GRAP2: variants seen among roughly 807,000 people sequenced by gnomAD.
The protein encoded by GRAP2 is GRB2 related adaptor protein 2, also known as GRB2-related adapter protein 2.
Under a neutral mutation model 43.5 loss-of-function variants are expected in GRAP2, and 31 were observed. The ratio of observed to expected loss-of-function variants is 0.71; its 90% CI spans 0.54 to 0.96. GRAP2 has a LOEUF of 0.96. GRAP2 is among the 40% of genes least tolerant of loss of function. The probability of loss-of-function intolerance (pLI) is 0.00; values close to 1 mark genes in which losing one functional copy is unlikely to be tolerated. For synonymous variants in GRAP2, 156 were observed against 164.8 expected, an observed-to-expected ratio of 0.95 and a Z score of 0.41; for missense variants, 371 against 424.4, an observed-to-expected ratio of 0.87 and a Z score of 1.11.
chr22:39,895,876 C>T, the GRAP2 span, among the ~76,000 whole-genome samples: 1 of 152,086 alleles, frequency 6.6e-6, no homozygotes, highest in East Asian at 1.9e-4. Context: ...GGAAGGCTTC[C>T]TGGAGGAGGT....
chr22:39,908,013 G>A (rs1317397163), intron 1 of GRAP2, among the ~76,000 whole-genome samples: 1 of 152,206 alleles, frequency 6.6e-6, no homozygotes, highest in African/African-American at 2.4e-5. Context: ...CTTCTGGAAA[G>A]CTGAATTCTG....
At chr22:39,897,443 A>G (rs1414650538), upstream of GRAP2, among the ~76,000 whole-genome samples, 1 of 150,990 alleles carries the variant, frequency 6.6e-6, no homozygotes, top group Non-Finnish European at 1.5e-5. Flanking sequence ...TCAAAATCCA[A>G]CCACTTCCCA....
intron 1 of GRAP2, among the ~76,000 whole-genome samples, chr22:39,907,478 A>G (rs992154707): frequency 6.6e-6 from 1 of 152,210 alleles, no homozygotes; most frequent in African/African-American, 2.4e-5. Context: ...GAGTTGTCGT[A>G]CAGGCTCATT....
At chr22:39,952,667 C>G (rs1016324888) in intron 2 of GRAP2, among the ~76,000 whole-genome samples, 3 of 152,192 alleles carry the variant, frequency 2.0e-5, no homozygotes, top group Admixed American at 2.0e-4. Flanking sequence ...CAATCTCAAA[C>G]TCAAATATGG....
intron 2 of GRAP2, 30 bp downstream of exon 2, chr22:39,947,214 T>C (rs1292458616): frequency 9.8e-7 from 1 of 1,022,056 alleles, no homozygotes; most frequent in South Asian, 1.3e-5. Flanking sequence ...AGGGGAGCAG[T>C]AGGGAGTTTC....
intron 7 of GRAP2, among the ~76,000 whole-genome samples, chr22:39,970,122 T>G (rs1293117014): frequency 6.6e-6 from 1 of 152,138 alleles, no homozygotes; most frequent in African/African-American, 2.4e-5. Flanking sequence ...TTGCATCTTT[T>G]TTTTGTTTTT....
At chr22:39,945,277 G>A (rs1347174875) in intron 1 of GRAP2, among the ~76,000 whole-genome samples, 1 of 152,190 alleles carries the variant, frequency 6.6e-6, no homozygotes, top group Non-Finnish European at 1.5e-5. Flanking sequence ...TTGGCTCCTG[G>A]TCTATTTTTT....
chr22:39,952,882 C>A (rs1045289214), intron 2 of GRAP2, among the ~76,000 whole-genome samples: 5 of 152,174 alleles, frequency 3.3e-5, no homozygotes, highest in African/African-American at 1.2e-4. Context: ...TTGATCCTCA[C>A]ATCAGCTCTG....
At chr22:39,968,456 T>A (rs2067199523) in intron 6 of GRAP2, 184 bp downstream of exon 6, 4 of 518,642 alleles carry the variant, frequency 7.7e-6, no homozygotes, top group Non-Finnish European at 3.3e-6. Flanking sequence ...GGCTCCCACC[T>A]GAACACACAC....
chr22:39,966,640 T>A (rs993126166), intron 5 of GRAP2, among the ~76,000 whole-genome samples: 1 of 152,096 alleles, frequency 6.6e-6, no homozygotes, highest in Non-Finnish European at 1.5e-5. Flanking sequence ...ATGTGGAGTT[T>A]TATGATGGGA....
intron 1 of GRAP2, 117 bp downstream of exon 1, chr22:39,901,447 C>T: frequency 2.5e-6 from 1 of 401,156 alleles, no homozygotes; most frequent in South Asian, 1.9e-5. Flanking sequence ...CTAAATATTG[C>T]TTTTAAGTCC....
chr22:39,926,620 C>T lies in GRAP2; in HGVS notation c.-14-20473C>T, dbSNP rs144186559. 8.1e-5 allele frequency: 80 copies of T among 985,258 alleles called. No individual in the cohort carries two copies. In the African/African-American group the frequency reaches 1.2e-3, roughly 14 times the overall value. The allele number at this position is 985,258 out of a possible 1,614,324, so 61.0% of individuals were successfully genotyped here. A position where few individuals can be genotyped will look rare whatever the true frequency, so the allele number is the denominator to read the frequency against. ...GTCATAAAAGCATTCTATGCTGGAC[C>T]GGTTCGTGTTAAGTCTGAGTTCCTC... On this transcript the variant is annotated intron_variant, in intron 1 of 7. Transcript: ENST00000344138.
At chr22:39,900,798 C>T (rs1325723455), upstream of GRAP2, among the ~76,000 whole-genome samples, 1 of 152,130 alleles carries the variant, frequency 6.6e-6, no homozygotes, top group Non-Finnish European at 1.5e-5. Flanking sequence ...CCAAGAAGCC[C>T]TAATGTTCCT....
chr22:39,949,462 C>T (rs913286737), intron 2 of GRAP2, among the ~76,000 whole-genome samples: 4 of 152,222 alleles, frequency 2.6e-5, no homozygotes, highest in Admixed American at 1.3e-4. Flanking sequence ...TGTGACCAAT[C>T]CAGGACCTGG....
intron 4 of GRAP2, among the ~76,000 whole-genome samples, chr22:39,963,036 C>T (rs1202548078): frequency 1.3e-5 from 2 of 152,216 alleles, no homozygotes; most frequent in Admixed American, 1.3e-4. Context: ...TGACTTCTAC[C>T]GAAGTCTTCC....
chr22:39,924,089 G>T (rs1601700252), intron 1 of GRAP2, among the ~76,000 whole-genome samples: 1 of 152,316 alleles, frequency 6.6e-6, no homozygotes, highest in Admixed American at 6.5e-5. Context: ...CTTTCAGGCT[G>T]GAGTGTTCAA....
chr22:39,896,147 G>C (rs1194864285), upstream of GRAP2, among the ~76,000 whole-genome samples: 1 of 152,154 alleles, frequency 6.6e-6, no homozygotes, highest in African/African-American at 2.4e-5. Flanking sequence ...AAATCTCTGT[G>C]TGTGCTCAAA....
intron 4 of GRAP2, among the ~76,000 whole-genome samples, chr22:39,965,705 T>C (rs2067165069): frequency 6.6e-6 from 1 of 152,248 alleles, no homozygotes; most frequent in Non-Finnish European, 1.5e-5. Flanking sequence ...TGGAACATGC[T>C]TTTCTTGTAA....
intron 1 of GRAP2, among the ~76,000 whole-genome samples, chr22:39,925,415 G>A (rs2066688759): frequency 6.6e-6 from 1 of 152,162 alleles, no homozygotes; most frequent in Non-Finnish European, 1.5e-5. Context: ...CTTGGAACCA[G>A]CCTCATTCCT....
Sources: allele counts gnomAD v4.1 joint callset (sites outside exome capture counted in the v4.1 genomes callset), GRCh38; gene constraint gnomAD v4.1.1; transcripts MANE v1.5; gene names NCBI Gene and HGNC (gene_info 2026-07-23, HGNC 2026-07-21).